The following HPCAL1 variants were observed in gnomAD, a reference collection of about 807,000 sequenced individuals.
HPCAL1 encodes the protein hippocalcin like 1.
In HPCAL1, 8 loss-of-function variants were observed where a neutral mutation model predicts 17.1. That is an observed-to-expected ratio of 0.47 (90% CI 0.27 to 0.84). The LOEUF (loss-of-function observed/expected upper bound fraction) is 0.84, where lower values mean the gene tolerates loss of function less well. HPCAL1 is among the 40% of genes least tolerant of loss of function. The pLI is 0.13. For synonymous variants in HPCAL1, 112 were observed against 111.4 expected (o/e 1.01, Z -0.03); for missense variants, 165 against 271.1 (o/e 0.61, Z 2.75).
chr2:10,350,795 A>C (rs1453645365), intron 1 of HPCAL1, among the ~76,000 whole-genome samples: 1 of 152,250 alleles, frequency 6.6e-6, no homozygotes, highest in African/African-American at 2.4e-5. Context: ...GTTTCTCCAA[A>C]GATATACAAG....
At position 10,365,854 on chromosome 2, in the gene HPCAL1, C is replaced by T. The variant is rs993345861; in HGVS notation, c.-110-30981C>T. On this transcript the variant is annotated intron_variant, in intron 1 of 4. Transcript: ENST00000307845. This position sits in a 1 kb window ranked among gnomAD's most constrained non-coding sequence, Gnocchi z 4.8. Reference sequence around the variant, plus strand: ...GGTCCTCTTGCTGCCTCTCTGTGAGCGAGCCTCGCCTGCTGGGTGCTGAGC... The same window carrying T: ...GGTCCTCTTGCTGCCTCTCTGTGAGTGAGCCTCGCCTGCTGGGTGCTGAGC... 2.0e-5 allele frequency among the ~76,000 whole-genome samples: 3 copies of T among 152,128 alleles called. No homozygotes were observed. The highest frequency in any genetic ancestry group is 1.9e-4 in the East Asian group (1 of 5,198).
chr2:10,347,412 C>G (rs2125455471), intron 1 of HPCAL1, among the ~76,000 whole-genome samples: 1 of 152,274 alleles, frequency 6.6e-6, no homozygotes, highest in South Asian at 2.1e-4. Flanking sequence ...CCCCCCAGCG[C>G]CTGATAATGG....
intron 1 of HPCAL1, among the ~76,000 whole-genome samples, chr2:10,383,862 C>G (rs1264039683): frequency 6.6e-6 from 1 of 151,912 alleles, no homozygotes; most frequent in East Asian, 1.9e-4. Flanking sequence ...TTGGCCCTAC[C>G]CATAAGATGC....
chr2:10,376,902 C>T (rs936797863), intron 1 of HPCAL1, among the ~76,000 whole-genome samples: 4 of 134,652 alleles, frequency 3.0e-5, no homozygotes, highest in African/African-American at 1.3e-4. Flanking sequence ...CAATACATAG[C>T]GTATTGTATT....
At chr2:10,382,849 G>A (rs1256446904) in intron 1 of HPCAL1, among the ~76,000 whole-genome samples, 2 of 152,190 alleles carry the variant, frequency 1.3e-5, no homozygotes, top group East Asian at 1.9e-4. Context: ...ACACCTTCCT[G>A]TTTCTGCCCA....
chr2:10,349,526 AC>A (rs1255663590), intron 1 of HPCAL1, among the ~76,000 whole-genome samples: 1 of 151,460 alleles, frequency 6.6e-6, no homozygotes, highest in Non-Finnish European at 1.5e-5. Context: ...ACACGGTGAA[AC>A]CCTGTCTCTA....
At chr2:10,420,452 TCCCAGAGTG>T (rs1670993313) in intron 3 of HPCAL1, among the ~76,000 whole-genome samples, 2 of 152,186 alleles carry the variant, frequency 1.3e-5, no homozygotes, top group Middle Eastern at 3.4e-3. Flanking sequence ...CGCCTCAGCC[TCCCAGAGTG>T]CTAGAATGAC....
At chr2:10,375,411 G>A (rs899416993) in intron 1 of HPCAL1, among the ~76,000 whole-genome samples, 1 of 152,316 alleles carries the variant, frequency 6.6e-6, no homozygotes, top group South Asian at 2.1e-4. Flanking sequence ...GGGGGCCTCA[G>A]CTGCGGAGCA....
intron 1 of HPCAL1, chr2:10,324,488 G>A (rs879843366): frequency 6.6e-6 from 1 of 152,194 alleles, no homozygotes; most frequent in Non-Finnish European, 1.5e-5. Context: ...CTCGCTTTGG[G>A]GATAGCCATT....
At chr2:10,309,404 A>C (rs1662817600) in intron 1 of HPCAL1, among the ~76,000 whole-genome samples, 1 of 152,258 alleles carries the variant, frequency 6.6e-6, no homozygotes, top group African/African-American at 2.4e-5. Flanking sequence ...GCATCAGCAG[A>C]AAGTAGAAGG....
At chr2:10,340,761 C>A (rs1443662299) in intron 1 of HPCAL1, among the ~76,000 whole-genome samples, 1 of 152,178 alleles carries the variant, frequency 6.6e-6, no homozygotes, top group Non-Finnish European at 1.5e-5. Context: ...GGCTGCAGGG[C>A]CCCGCAGTTC....
intron 1 of HPCAL1, among the ~76,000 whole-genome samples, chr2:10,332,357 C>G (rs879776730): frequency 6.6e-6 from 1 of 152,150 alleles, no homozygotes; most frequent in East Asian, 1.9e-4. Context: ...TCCATCTGCC[C>G]ACAGGTTTCC....
At chr2:10,303,562 CT>C (rs1279109467) in intron 1 of HPCAL1, 2 of 152,380 alleles carry the variant, frequency 1.3e-5, no homozygotes, top group East Asian at 1.9e-4. Flanking sequence ...CCAGAGCCCC[CT>C]GTCCCTGCTG....
chr2:10,357,296 GC>G (rs1666218040), intron 1 of HPCAL1, among the ~76,000 whole-genome samples: 1 of 152,176 alleles, frequency 6.6e-6, no homozygotes, highest in Non-Finnish European at 1.5e-5. Context: ...TCAACTCCTG[GC>G]CCAGCCCAGG....
At chr2:10,349,635 G>A (rs57176457) in intron 1 of HPCAL1, among the ~76,000 whole-genome samples, 2 of 142,248 alleles carry the variant, frequency 1.4e-5, no homozygotes, top group Non-Finnish European at 1.5e-5. Context: ...CCTGGGAGGC[G>A]GAGCTTGCAG....
intron 1 of HPCAL1, among the ~76,000 whole-genome samples, chr2:10,389,003 C>T (rs191834117): frequency 2.6e-5 from 4 of 152,018 alleles, no homozygotes; most frequent in South Asian, 4.1e-4. Flanking sequence ...GAGAAGGTGA[C>T]GTAGGAGGCG....
rs1558484388 is a variant in HPCAL1 at position 10,359,031 on chromosome 2, T to TTTGACCCGTCTGCATGCTCCCCTC, written c.-110-37804_-110-37803insTTGACCCGTCTGCATGCTCCCCTC. Among the ~76,000 whole-genome samples, 1,051 of 149,698 alleles carry TTTGACCCGTCTGCATGCTCCCCTC rather than the reference T, an allele frequency of 7.0e-3. 69 individuals carry two copies. Among genetic ancestry groups the TTTGACCCGTCTGCATGCTCCCCTC allele is most frequent in the African/African-American group, 0.025 (1,001 of 39,566 alleles). Reference sequence around the variant, plus strand: ...AGCCTGCCCGTCTGCATGCTCCCCTTGAGGTTTGACCCGTCTGCATGCTCC... The same window carrying TTTGACCCGTCTGCATGCTCCCCTC: ...AGCCTGCCCGTCTGCATGCTCCCCTTTTGACCCGTCTGCATGCTCCCCTCGAGGTTTGACCCGTCTGCATGCTCC... On this transcript the variant is annotated intron_variant, in intron 1 of 4. Transcript: ENST00000307845. This position sits in a 1 kb window ranked among gnomAD's most constrained non-coding sequence, Gnocchi z 4.1.
At chr2:10,389,247 T>G (rs1668531484) in intron 1 of HPCAL1, among the ~76,000 whole-genome samples, 1 of 152,200 alleles carries the variant, frequency 6.6e-6, no homozygotes, top group African/African-American at 2.4e-5. Flanking sequence ...CTAATTTGCA[T>G]GTAATTAAAA....
At chr2:10,306,855 C>T (rs181961304) in intron 1 of HPCAL1, among the ~76,000 whole-genome samples, 128 of 152,292 alleles carry the variant, frequency 8.4e-4, no homozygotes, top group Non-Finnish European at 1.4e-3. Context: ...AGCTTCACAT[C>T]GGAGGCATGA....
Sources: allele counts gnomAD v4.1 joint callset (sites outside exome capture counted in the v4.1 genomes callset), GRCh38; gene constraint gnomAD v4.1.1; non-coding constraint Gnocchi (gnomAD v3.1); transcripts MANE v1.5; gene names NCBI Gene and HGNC (gene_info 2026-07-23, HGNC 2026-07-21).